The following SLC35D1 variants were observed in gnomAD, a reference collection of about 807,000 sequenced individuals.
SLC35D1 encodes the protein nucleotide sugar transporter SLC35D1.
In SLC35D1, 31 loss-of-function variants were observed where a neutral mutation model predicts 46.7. The observed-to-expected ratio is 0.66, with a 90% CI of 0.50 to 0.90. SLC35D1 has a LOEUF of 0.90. Among genes scored for constraint, SLC35D1 ranks in the 40% least tolerant of loss-of-function variants. The pLI is 0.00. For synonymous variants in SLC35D1, 195 were observed against 164.6 expected (o/e 1.18, Z -1.41); for missense variants, 397 against 426.2 (o/e 0.93, Z 0.60).
At chr1:67,043,177 G>A (rs1479300370) in intron 7 of SLC35D1, among the ~76,000 whole-genome samples, 2 of 147,726 alleles carry the variant, frequency 1.4e-5, no homozygotes, top group Non-Finnish European at 3.0e-5. Context: ...CTGGATGACA[G>A]AGTGAGACAC....
intron 8 of SLC35D1, among the ~76,000 whole-genome samples, chr1:67,039,500 T>TGTGTGTGTGG (rs1668196393): frequency 9.3e-6 from 1 of 107,332 alleles, no homozygotes; most frequent in Non-Finnish European, 1.8e-5. Context: ...AAATTGTGTG[T>TGTGTGTGTGG]GTGTGTGTGT....
chr1:66,983,313 A>G, the SLC35D1 span, among the ~76,000 whole-genome samples: 18,260 of 152,262 alleles, frequency 0.12, 1,271 homozygotes, highest in Non-Finnish European at 0.15. Flanking sequence ...TCTCTTCAAT[A>G]TATTATGATG....
chr1:66,984,870 A>G, the SLC35D1 span: 2 of 1,596,072 alleles, frequency 1.3e-6, no homozygotes, highest in Non-Finnish European at 1.7e-6. Flanking sequence ...CACATGGGAA[A>G]TTTGAAGAAC....
intron 8 of SLC35D1, among the ~76,000 whole-genome samples, chr1:67,038,834 T>TAC (rs112186155): frequency 7.7e-6 from 1 of 130,560 alleles, no homozygotes; most frequent in Non-Finnish European, 1.8e-5. Flanking sequence ...TAAATATGTA[T>TAC]ACACACACAC....
At chr1:67,017,652 T>C (rs1043334866) in intron 10 of SLC35D1, among the ~76,000 whole-genome samples, 2 of 152,140 alleles carry the variant, frequency 1.3e-5, no homozygotes, top group African/African-American at 4.8e-5. Context: ...TGAAGATACC[T>C]CAAGGACTCT....
downstream of SLC35D1, among the ~76,000 whole-genome samples, chr1:66,995,963 C>T (rs1487494618): frequency 1.3e-5 from 2 of 152,194 alleles, no homozygotes; most frequent in East Asian, 1.9e-4. Flanking sequence ...TCTCTAACAA[C>T]GAGGGATGGT....
At chr1:66,981,977 A>T in the SLC35D1 span, 1 of 1,573,196 alleles carries the variant, frequency 6.4e-7, no homozygotes, top group Admixed American at 1.8e-5. Context: ...TCTTGCAGTG[A>T]CTTGGGAAAT....
At chr1:67,037,042 T>C (rs1448328906) in intron 8 of SLC35D1, among the ~76,000 whole-genome samples, 2 of 152,102 alleles carry the variant, frequency 1.3e-5, no homozygotes, top group African/African-American at 4.8e-5. Context: ...ACTGTGTGCA[T>C]AAACAAACAA....
At chr1:67,041,486 A>T (rs1357960483) in intron 8 of SLC35D1, among the ~76,000 whole-genome samples, 2 of 152,202 alleles carry the variant, frequency 1.3e-5, no homozygotes, top group Non-Finnish European at 2.9e-5. Context: ...AATGACCAAC[A>T]TACTTATTCT....
At chr1:66,997,748 A>AAT (rs941524594), downstream of SLC35D1, among the ~76,000 whole-genome samples, 137 of 146,696 alleles carry the variant, frequency 9.3e-4, no homozygotes, top group East Asian at 3.1e-3. Context: ...AAAGCTGTTA[A>AAT]ATATATATAT....
intron 8 of SLC35D1, among the ~76,000 whole-genome samples, chr1:67,030,347 T>C (rs1307595945): frequency 6.6e-6 from 1 of 152,190 alleles, no homozygotes; most frequent in Admixed American, 6.5e-5. Flanking sequence ...TTATCTTCCT[T>C]TCCTGGCTAA....
At chr1:67,049,248 C>T (rs1377295635) in intron 6 of SLC35D1, among the ~76,000 whole-genome samples, 1 of 151,724 alleles carries the variant, frequency 6.6e-6, no homozygotes, top group African/African-American at 2.4e-5. Context: ...GAGCCGAGAG[C>T]CCACTACTGG....
chr1:67,001,898 C>T lies in SLC35D1; in HGVS notation c.*2442G>A, dbSNP rs1410734582. ...GAAGTTTCAGCATAAGCCAGGGCTC[C>T]CAAGGCACAGAAGCCTGTCACGTGC... On this transcript the variant is annotated 3_prime_UTR_variant, in exon 12 of 12. Transcript: ENST00000235345. The T allele has an allele frequency of 1.3e-5, 2 of 152,328 alleles. No homozygotes were observed. Among genetic ancestry groups the T allele is most frequent in the African/African-American group, 4.8e-5 (2 of 41,444 alleles). The allele number at this position is 152,328 out of a possible 1,614,324, so 9.4% of individuals were successfully genotyped here. A position where few individuals can be genotyped will look rare whatever the true frequency, so the allele number is the denominator to read the frequency against.
At chr1:67,037,850 A>T (rs1255218732) in intron 8 of SLC35D1, among the ~76,000 whole-genome samples, 1 of 152,200 alleles carries the variant, frequency 6.6e-6, no homozygotes, top group Non-Finnish European at 1.5e-5. Flanking sequence ...CTGAAAAATT[A>T]CTAAGAAAAA....
intron 8 of SLC35D1, among the ~76,000 whole-genome samples, chr1:67,031,762 T>A (rs1233425090): frequency 8.5e-5 from 13 of 152,138 alleles, no homozygotes; most frequent in African/African-American, 3.1e-4. Flanking sequence ...CCTGTGAGGA[T>A]CAACTGAGAG....
At chr1:66,977,169 G>A in the SLC35D1 span, among the ~76,000 whole-genome samples, 2 of 151,852 alleles carry the variant, frequency 1.3e-5, no homozygotes, top group South Asian at 4.2e-4. Context: ...GAATGCAGTG[G>A]TGCAATCTCA....
At chr1:67,039,523 G>GTGCA (rs1466690847) in intron 8 of SLC35D1, among the ~76,000 whole-genome samples, 3 of 151,022 alleles carry the variant, frequency 2.0e-5, no homozygotes, top group African/African-American at 7.3e-5. Flanking sequence ...GTGTGTGTGC[G>GTGCA]CGCGTGGGGG....
intron 8 of SLC35D1, among the ~76,000 whole-genome samples, chr1:67,026,790 G>A (rs1347831452): frequency 6.6e-6 from 1 of 152,152 alleles, no homozygotes; most frequent in Admixed American, 6.6e-5. Flanking sequence ...TTGACTCACA[G>A]CTCCGCATGG....
rs35069681 is a variant in SLC35D1 at position 67,021,724 on chromosome 1, GACACACACACACACACACAC to G, written c.730-142_730-123del. 2.5e-4 allele frequency: 107 copies of G among 422,666 alleles called. 1 individual carries two copies. Among genetic ancestry groups the G allele is most frequent in the Non-Finnish European group, 1.3e-5 (3 of 231,248 alleles). The allele number at this position is 422,666 out of a possible 1,614,324, so 26.2% of individuals were successfully genotyped here. A position where few individuals can be genotyped will look rare whatever the true frequency, so the allele number is the denominator to read the frequency against. The stretch of plus-strand genomic sequence containing the variant: ...AGACACAGACACAGACACAGACACA[GACACACACACACACACACAC>G]ACACACACACACACAGGTATATGTT... On this transcript the variant is annotated intron_variant, in intron 8 of 11. Transcript: ENST00000235345.
Sources: allele counts gnomAD v4.1 joint callset (sites outside exome capture counted in the v4.1 genomes callset), GRCh38; gene constraint gnomAD v4.1.1; transcripts MANE v1.5; gene names NCBI Gene and HGNC (gene_info 2026-07-23, HGNC 2026-07-21).